BIRC6: variants seen among roughly 807,000 people sequenced by gnomAD.
The protein encoded by BIRC6 is dual E2 ubiquitin-conjugating enzyme/E3 ubiquitin-protein ligase BIRC6.
Under a neutral mutation model 503.3 loss-of-function variants are expected in BIRC6, and 98 were observed. That is an observed-to-expected ratio of 0.19 (90% CI 0.17 to 0.23). The LOEUF (loss-of-function observed/expected upper bound fraction) is 0.23. Among genes scored for constraint, BIRC6 ranks in the 10% least tolerant of loss-of-function variants. BIRC6 has a pLI of 1.00. For missense variants in BIRC6, 5,360 were observed against 5,806.0 expected (o/e 0.92, Z 2.50); for synonymous variants, 2,240 against 2,078.7 (o/e 1.08, Z -2.11).
At chr2:32,511,428 G>A (rs1249434462) in intron 53 of BIRC6, among the ~76,000 whole-genome samples, 12 of 147,082 alleles carry the variant, frequency 8.2e-5, no homozygotes, top group Admixed American at 8.2e-4. Context: ...TTCTGCCTCA[G>A]CCTCCTGAGT....
chr2:32,552,501 G>A (rs1346391985), intron 65 of BIRC6, among the ~76,000 whole-genome samples: 1 of 152,160 alleles, frequency 6.6e-6, no homozygotes, highest in Non-Finnish European at 1.5e-5. Context: ...AAGGTAAAAA[G>A]AGAATATTGT....
At chr2:32,539,374 A>G (rs1487245717) in intron 61 of BIRC6, among the ~76,000 whole-genome samples, 3 of 152,226 alleles carry the variant, frequency 2.0e-5, no homozygotes, top group Admixed American at 1.3e-4. Flanking sequence ...GGAACAAAGC[A>G]TTTACCAACT....
rs751973111 is a variant in BIRC6 at position 32,401,345 on chromosome 2, G to T, written c.1217G>T (p.Arg406Leu). The change falls in exon 7 of 74, where the codon CGA becomes CTA. Residue 406 changes from arginine (R) to leucine (L), a missense_variant. Coordinates refer to ENST00000421745, the MANE Select transcript of BIRC6 (RefSeq NM_016252.4). ...CPHFLAAATK[R>L]GKICIWDVSK... ...CATTTTCTAGCTGCTGCAACTAAAC[G>T]AGGAAAGATCTGCATATGGGATGTT... 6.2e-7 allele frequency: 1 copy of T among 1,614,020 alleles called. No individual in the cohort carries two copies. Among genetic ancestry groups the T allele is most frequent in the Non-Finnish European group, 8.5e-7 (1 of 1,179,896 alleles).
intron 10 of BIRC6, among the ~76,000 whole-genome samples, chr2:32,417,807 G>T (rs1323655072): frequency 6.6e-6 from 1 of 152,148 alleles, no homozygotes; most frequent in African/African-American, 2.4e-5. Flanking sequence ...TTGAGACAGA[G>T]TCTCACCCTG....
At chr2:32,465,273 A>C in intron 26 of BIRC6, 109 bp downstream of exon 26, 1 of 599,944 alleles carries the variant, frequency 1.7e-6, no homozygotes, top group Non-Finnish European at 2.8e-6. Flanking sequence ...TTTTTTTGCA[A>C]ATCGCGTTTC....
At chr2:32,374,619 C>T (rs1449026738) in intron 1 of BIRC6, among the ~76,000 whole-genome samples, 1 of 151,860 alleles carries the variant, frequency 6.6e-6, no homozygotes, top group African/African-American at 2.4e-5. Context: ...ACTACAGGCG[C>T]CCGCCACCAC....
chr2:32,486,979 G>C (rs1189649462), intron 40 of BIRC6, among the ~76,000 whole-genome samples: 1 of 150,360 alleles, frequency 6.7e-6, no homozygotes, highest in African/African-American at 2.4e-5. Context: ...GCACTTATTA[G>C]AATATCTTTT....
At chr2:32,463,773 T>A (rs187158399) in intron 24 of BIRC6, among the ~76,000 whole-genome samples, 1 of 152,362 alleles carries the variant, frequency 6.6e-6, no homozygotes, top group East Asian at 1.9e-4. Context: ...TCATAAATTT[T>A]ATTGTGGCCT....
intron 70 of BIRC6, among the ~76,000 whole-genome samples, chr2:32,601,580 TA>T (rs920506512): frequency 4.4e-4 from 64 of 144,108 alleles, no homozygotes; most frequent in Non-Finnish European, 4.0e-4. Flanking sequence ...AAATTCTGTC[TA>T]AAAAAAAAAA....
intron 3 of BIRC6, among the ~76,000 whole-genome samples, chr2:32,386,554 C>T (rs1351972716): frequency 6.6e-6 from 1 of 151,776 alleles, no homozygotes; most frequent in East Asian, 1.9e-4. Flanking sequence ...AGTGATTTTC[C>T]CACCTCAAGG....
chr2:32,579,524 C>G (rs928931684), intron 66 of BIRC6, among the ~76,000 whole-genome samples: 9 of 152,030 alleles, frequency 5.9e-5, no homozygotes, highest in Non-Finnish European at 1.2e-4. Context: ...CCTGTCTCTA[C>G]AAAACATAAA....
chr2:32,514,518 A>T (rs1041852495), intron 54 of BIRC6, among the ~76,000 whole-genome samples: 2 of 152,164 alleles, frequency 1.3e-5, no homozygotes, highest in South Asian at 4.1e-4. Context: ...AAGTAGGCCT[A>T]TTGTTCTCTG....
intron 65 of BIRC6, among the ~76,000 whole-genome samples, chr2:32,560,775 C>T (rs1213919496): frequency 6.6e-6 from 1 of 151,876 alleles, no homozygotes; most frequent in Non-Finnish European, 1.5e-5. Flanking sequence ...ATTATGTTGC[C>T]CAGGCTAGTT....
intron 57 of BIRC6, among the ~76,000 whole-genome samples, chr2:32,519,464 G>C (rs927950256): frequency 6.6e-6 from 1 of 152,088 alleles, no homozygotes; most frequent in African/African-American, 2.4e-5. Flanking sequence ...ATATGGGATA[G>C]TTTTTTAAAA....
At chr2:32,503,963 T>G (rs189277769) in intron 49 of BIRC6, among the ~76,000 whole-genome samples, 1 of 143,694 alleles carries the variant, frequency 7.0e-6, no homozygotes, top group East Asian at 2.1e-4. Context: ...GCAATTCTCA[T>G]GCCTCAGCCT....
chr2:32,493,784 T>C, intron 45 of BIRC6, 117 bp downstream of exon 45: 8 of 759,902 alleles, frequency 1.1e-5, no homozygotes, highest in Non-Finnish European at 1.6e-5. Context: ...AGGAGGACGG[T>C]AGTAATTAAG....
intron 69 of BIRC6, among the ~76,000 whole-genome samples, 191 bp from the exon 70 acceptor site, chr2:32,599,548 G>C (rs567979826): frequency 1.3e-4 from 20 of 152,194 alleles, no homozygotes; most frequent in African/African-American, 4.6e-4. Flanking sequence ...TGAGGCAGGA[G>C]AATTGCTTGA....
chr2:32,573,474 G>A (rs1243275303), intron 65 of BIRC6, among the ~76,000 whole-genome samples: 2 of 152,146 alleles, frequency 1.3e-5, no homozygotes, highest in East Asian at 1.9e-4. Context: ...GAAATTGCAG[G>A]TGTGAGTCAC....
intron 8 of BIRC6, among the ~76,000 whole-genome samples, chr2:32,405,783 T>TAATA (rs2041139915): frequency 6.6e-6 from 1 of 152,240 alleles, no homozygotes; most frequent in African/African-American, 2.4e-5. Context: ...GGTTTTAGGC[T>TAATA]GTCCTGAATT....
Sources: allele counts gnomAD v4.1 joint callset (sites outside exome capture counted in the v4.1 genomes callset), GRCh38; gene constraint gnomAD v4.1.1; transcripts MANE v1.5; gene names NCBI Gene and HGNC (gene_info 2026-07-23, HGNC 2026-07-21).